The following TAPBPL variants were observed in gnomAD, a reference collection of about 807,000 sequenced individuals.
TAPBPL encodes the protein TAP binding protein like.
TAPBPL carries 32 observed loss-of-function variants against 44.8 expected under a neutral mutation model. That is an observed-to-expected ratio of 0.71 (90% confidence interval 0.54 to 0.96). TAPBPL has a LOEUF of 0.96. Among genes scored for constraint, TAPBPL ranks in the 40% least tolerant of loss-of-function variants. TAPBPL has a pLI of 0.00. For synonymous variants in TAPBPL, 230 were observed against 240.7 expected (o/e 0.96, Z 0.41); for missense variants, 520 against 586.6 (o/e 0.89, Z 1.17).
chr12:6,458,508 C>A, intron 4 of TAPBPL, 137 bp from the exon 5 acceptor site: 1 of 1,052,924 alleles, frequency 9.5e-7, no homozygotes, highest in Non-Finnish European at 1.4e-6. Context: ...CCTCACACAC[C>A]CCCGCCTTGG....
At chr12:6,463,144 T>C, downstream of TAPBPL, 1 of 1,466,720 alleles carries the variant, frequency 6.8e-7, no homozygotes. This position sits in a 1 kb window ranked among gnomAD's most constrained non-coding sequence, Gnocchi z 4.0. Context: ...TTCCACTGTC[T>C]ATACACACAA....
downstream of TAPBPL, chr12:6,465,419 TATATATATAA>T (rs1949993183): frequency 9.7e-6 from 1 of 103,172 alleles, no homozygotes; most frequent in Non-Finnish European, 1.8e-5. Flanking sequence ...TATATGTATA[TATATATATAA>T]ATGTATATAT....
chr12:6,470,702 T>G, downstream of TAPBPL: 1 of 797,530 alleles, frequency 1.3e-6, no homozygotes, highest in Non-Finnish European at 2.1e-6. Flanking sequence ...GGCCTCCGCC[T>G]TTATTAGTGC....
At position 6,459,222 on chromosome 12, in the gene TAPBPL, CAGG is replaced by C. The variant is rs1012104461; in HGVS notation, c.1207+278_1207+280del. Among the ~76,000 whole-genome samples, 51 of 152,310 alleles carry C rather than the reference CAGG, an allele frequency of 3.3e-4. 1 individual carries two copies. The highest frequency in any genetic ancestry group is 2.0e-3 in the Admixed American group (31 of 15,308). On this transcript the variant is annotated intron_variant, in intron 5 of 6. Transcript: ENST00000266556. Reference sequence around the variant, plus strand: ...ATGAATAATTCCTGATCATGCCCTCCAGGAGCTTAGTCCAGTAATAGAGACAAG... The same window carrying C: ...ATGAATAATTCCTGATCATGCCCTCCAGCTTAGTCCAGTAATAGAGACAAG...
At chr12:6,456,524 C>T (rs1949706878) in intron 3 of TAPBPL, among the ~76,000 whole-genome samples, 1 of 152,052 alleles carries the variant, frequency 6.6e-6, no homozygotes, top group South Asian at 2.1e-4. Flanking sequence ...CCACGACACC[C>T]AGCTAATTTT....
downstream of TAPBPL, chr12:6,463,411 T>G: frequency 1.9e-6 from 2 of 1,057,134 alleles, no homozygotes; most frequent in Non-Finnish European, 2.3e-6. This position sits in a 1 kb window ranked among gnomAD's most constrained non-coding sequence, Gnocchi z 4.0. Flanking sequence ...CTCATCCCTG[T>G]CTTTGGCAAG....
rs571120714 is a variant in TAPBPL, at chr12:6,457,450, C to T, written c.610C>T (p.Leu204=). ...MTQTQSLSFL[L]GSSASLDCGF... is the part of the protein sequence containing the mutation. ...ACAGACCCAATCCCTGAGCTTCCTG[C>T]TGGGGTCCTCAGCCTCCTTGGACTG... is the stretch of plus-strand genomic sequence containing the variant. The change falls in exon 4 of 7, where the codon CTG becomes TTG. Residue 204 remains leucine (L), a synonymous_variant. Transcript: ENST00000266556. 3 of 1,614,172 alleles carry T rather than the reference C, an allele frequency of 1.9e-6. No individual in the cohort carries two copies. The East Asian group carries it at 6.7e-5, about 36-fold the overall frequency.
intron 5 of TAPBPL, 148 bp downstream of exon 5, chr12:6,459,095 C>A (rs1341872790): frequency 1.0e-4 from 93 of 930,346 alleles, no homozygotes; most frequent in Non-Finnish European, 3.9e-5. Flanking sequence ...ACTATTTTCC[C>A]AAGGCGGCAG....
downstream of TAPBPL, chr12:6,464,421 G>A: frequency 6.4e-7 from 1 of 1,562,362 alleles, no homozygotes. Flanking sequence ...AGAGGGCAGA[G>A]GACATGAATG....
At chr12:6,465,373 A>C (rs10849461), downstream of TAPBPL, 29,753 of 103,886 alleles carry the variant, frequency 0.29, 4,724 homozygotes, top group East Asian at 0.49. Context: ...TATATATATA[A>C]ATGTATATAT....
downstream of TAPBPL, chr12:6,464,941 T>C (rs1949968184): frequency 6.2e-7 from 1 of 1,613,824 alleles, no homozygotes; most frequent in Admixed American, 1.7e-5. Context: ...ATGATCATCA[T>C]CTGAGGAAAC....
At chr12:6,460,423 G>T (rs1007844196) in intron 5 of TAPBPL, among the ~76,000 whole-genome samples, 7 of 151,900 alleles carry the variant, frequency 4.6e-5, no homozygotes, top group African/African-American at 1.7e-4. Context: ...ACACCAACAT[G>T]CCCAGTTAAT....
downstream of TAPBPL, chr12:6,464,965 G>T: frequency 6.2e-7 from 1 of 1,612,962 alleles, no homozygotes; most frequent in African/African-American, 1.3e-5. Flanking sequence ...GACAAAAAAT[G>T]AGCCCTTGGA....
Position 6,460,555 on chromosome 12 carries a change from C to T in TAPBPL, c.1208-300C>T, listed in dbSNP as rs536206230. Among the ~76,000 whole-genome samples, 4 of 152,356 alleles carry T rather than the reference C, an allele frequency of 2.6e-5. No individual in the cohort carries two copies. The East Asian group carries it at 7.7e-4, about 29-fold the overall frequency. On this transcript the variant is annotated intron_variant, in intron 5 of 6. Coordinates refer to ENST00000266556, the MANE Select transcript of TAPBPL (RefSeq NM_018009.5). ...GTTCTGGGATTACAGGCATGAGCCA[C>T]TGTGTCCAGGCAAGTTAAGTGCTAA...
downstream of TAPBPL, among the ~76,000 whole-genome samples, chr12:6,465,541 T>G (rs1016564844): frequency 9.9e-5 from 15 of 150,880 alleles, no homozygotes; most frequent in African/African-American, 3.7e-4. Context: ...TGTCTGAGGA[T>G]GAGACAGGTG....
chr12:6,466,459 G>A (rs1950027965), downstream of TAPBPL: 6 of 1,270,914 alleles, frequency 4.7e-6, no homozygotes, highest in Non-Finnish European at 6.4e-6. Context: ...GAAGTGGGAG[G>A]AGCGCTTGAG....
At chr12:6,463,626 T>G, downstream of TAPBPL, 1 of 1,083,812 alleles carries the variant, frequency 9.2e-7, no homozygotes, top group Non-Finnish European at 1.1e-6. The surrounding 1 kb of genome is among the most constrained non-coding windows in gnomAD (Gnocchi z 4.0). Context: ...TCTCTCTTTA[T>G]GCCAACAATT....
Position 6,452,189 on chromosome 12 carries a change from A to G in TAPBPL, c.-60A>G. ...GCCCCCTTCTTCCGCCGGGCCTCGCAAGCAGCGTAGGACTGTGGAGAAGGG... is the reference window on the plus strand; with the variant it reads ...GCCCCCTTCTTCCGCCGGGCCTCGCGAGCAGCGTAGGACTGTGGAGAAGGG... On this transcript the variant is annotated 5_prime_UTR_variant, in exon 1 of 7. Transcript: ENST00000266556. 6.5e-7 allele frequency: 1 copy of G among 1,547,948 alleles called. No individual in the cohort carries two copies. Among genetic ancestry groups the G allele is most frequent in the Non-Finnish European group, 8.7e-7 (1 of 1,143,634 alleles).
intron 6 of TAPBPL, 43 bp from the exon 7 acceptor site, chr12:6,461,991 T>G: frequency 2.6e-3 from 3,805 of 1,462,532 alleles, no homozygotes; most frequent in Non-Finnish European, 3.3e-3. Context: ...TTTGCCAGTG[T>G]GAGATGCCCA....
Sources: gnomAD v4.1 joint callset for allele counts (sites outside exome capture counted in the v4.1 genomes callset) on GRCh38, gnomAD v4.1.1 for gene constraint, Gnocchi (gnomAD v3.1) non-coding constraint, MANE v1.5 for transcripts, NCBI Gene and HGNC (gene_info 2026-07-23, HGNC 2026-07-21) for gene names.